EDA: variants seen among roughly 807,000 people sequenced by gnomAD.
EDA encodes ectodysplasin A, also known as ectodysplasin-A.
Under a neutral mutation model 23.6 loss-of-function variants are expected in EDA, and 2 were observed. The observed-to-expected ratio is 0.08, with a 90% CI of 0.03 to 0.27. The LOEUF (loss-of-function observed/expected upper bound fraction) is 0.27. Among genes scored for constraint, EDA ranks in the 10% least tolerant of loss-of-function variants. EDA has a pLI of 1.00. For synonymous variants in EDA, 131 were observed against 132.0 expected, an observed-to-expected ratio of 0.99 and a Z score of 0.05; for missense variants, 229 against 324.2, an observed-to-expected ratio of 0.71 and a Z score of 2.26.
At chrX:69,632,269 G>C (rs754731370) in intron 1 of EDA, among the ~76,000 whole-genome samples, 3 of 111,395 alleles carry the variant, frequency 2.7e-5, no homozygotes, top group South Asian at 3.8e-4. Flanking sequence ...TTCTCTTGTG[G>C]GGCTGGCTTG....
chrX:69,753,322 A>G (rs1284884033), intron 1 of EDA, among the ~76,000 whole-genome samples: 1 of 111,776 alleles, frequency 8.9e-6, no homozygotes, highest in African/African-American at 3.3e-5. Flanking sequence ...TTCTGTCTTC[A>G]TTTCGTTATG....
At chrX:70,026,362 T>C (rs1038976902) in intron 3 of EDA, among the ~76,000 whole-genome samples, 1 of 111,208 alleles carries the variant, frequency 9.0e-6, no homozygotes, top group Non-Finnish European at 1.9e-5. Context: ...GTGGGAATGT[T>C]GAAAGGACTG....
intron 1 of EDA, among the ~76,000 whole-genome samples, chrX:69,849,080 TATAC>T (rs1257179790): frequency 3.3e-3 from 278 of 84,719 alleles, no homozygotes; most frequent in African/African-American, 7.0e-3. Flanking sequence ...ACAAAGTCTA[TATAC>T]ACACACACAC....
intron 1 of EDA, among the ~76,000 whole-genome samples, chrX:69,896,712 C>A (rs1172468553): frequency 9.0e-6 from 1 of 110,739 alleles, no homozygotes; most frequent in Non-Finnish European, 1.9e-5. Context: ...GAAATCAGGT[C>A]TTCCAGCTCC....
At chrX:69,949,236 C>T (rs1369828263) in intron 1 of EDA, among the ~76,000 whole-genome samples, 3 of 112,150 alleles carry the variant, frequency 2.7e-5, no homozygotes, top group Non-Finnish European at 1.9e-5. Context: ...TTCATAAATA[C>T]ATTAACTCTG....
At chrX:69,729,361 A>G (rs149217324) in intron 1 of EDA, among the ~76,000 whole-genome samples, 2,707 of 110,546 alleles carry the variant, frequency 0.024, 71 homozygotes, top group African/African-American at 0.086. Flanking sequence ...TGCTCCATCA[A>G]TTATACCCTA....
At chrX:69,755,000 G>C (rs1416052970) in intron 1 of EDA, among the ~76,000 whole-genome samples, 1 of 111,697 alleles carries the variant, frequency 9.0e-6, no homozygotes, top group Admixed American at 9.5e-5. Context: ...GGGTTTGAAC[G>C]TCCTCCTTTA....
At chrX:69,787,065 T>C (rs958872563) in intron 1 of EDA, among the ~76,000 whole-genome samples, 1 of 103,817 alleles carries the variant, frequency 9.6e-6, no homozygotes, top group African/African-American at 3.4e-5. Flanking sequence ...TTGTCTCTTT[T>C]GATCTTTGTT....
chrX:69,626,288 G>A (rs940739453), intron 1 of EDA, among the ~76,000 whole-genome samples: 6 of 111,593 alleles, frequency 5.4e-5, no homozygotes, highest in African/African-American at 1.6e-4. Flanking sequence ...ATATGACCCA[G>A]CATTTCCACT....
At chrX:69,787,669 C>T (rs1322470447) in intron 1 of EDA, among the ~76,000 whole-genome samples, 3 of 111,618 alleles carry the variant, frequency 2.7e-5, no homozygotes, top group South Asian at 3.8e-4. Flanking sequence ...CCGTTGTTAG[C>T]CTGATGGGCT....
At chrX:69,979,138 A>G (rs2019365813) in intron 2 of EDA, among the ~76,000 whole-genome samples, 1 of 111,864 alleles carries the variant, frequency 8.9e-6, no homozygotes, top group South Asian at 3.7e-4. Context: ...GTTCCCTCAG[A>G]TAAGTGGAAT....
intron 1 of EDA, among the ~76,000 whole-genome samples, chrX:69,782,930 T>A (rs2014999060): frequency 8.9e-6 from 1 of 112,147 alleles, no homozygotes; most frequent in South Asian, 3.7e-4. Flanking sequence ...GATTACTACT[T>A]GTATAGAATA....
At chrX:69,912,647 T>A (rs1468208360) in intron 1 of EDA, among the ~76,000 whole-genome samples, 1 of 111,365 alleles carries the variant, frequency 9.0e-6, no homozygotes, top group East Asian at 2.8e-4. Flanking sequence ...GAGCAGTAGG[T>A]CTCAATACTG....
At chrX:69,902,606 T>C (rs763629488) in intron 1 of EDA, among the ~76,000 whole-genome samples, 1 of 112,167 alleles carries the variant, frequency 8.9e-6, no homozygotes, top group South Asian at 3.7e-4. Flanking sequence ...ATTAAAAAAA[T>C]TCTGTTTGAT....
At chrX:69,679,116 G>C (rs1185045969) in intron 1 of EDA, among the ~76,000 whole-genome samples, 1 of 108,876 alleles carries the variant, frequency 9.2e-6, no homozygotes, top group Non-Finnish European at 1.9e-5. Flanking sequence ...TTATATGCTG[G>C]ATTACGTTTA....
At chrX:69,860,153 A>T (rs983386650) in intron 1 of EDA, among the ~76,000 whole-genome samples, 4 of 111,528 alleles carry the variant, frequency 3.6e-5, no homozygotes, top group African/African-American at 1.3e-4. Flanking sequence ...TGAAGACAGC[A>T]TACCAATGGA....
At position 69,864,092 on chromosome X, in the gene EDA, G is replaced by A. The variant is rs1354678666; in HGVS notation, c.397-92935G>A. Among the ~76,000 whole-genome samples the A allele has an allele frequency of 5.4e-5, 6 of 110,996 alleles. No homozygotes were observed. The East Asian group carries it at 1.7e-3, about 31-fold the overall frequency. ...CAGTGTTGTTATTCTTTTTTAAAAT[G>A]TTTGTTTTATAGAAGTATAATTTAC... is the stretch of plus-strand genomic sequence containing the variant. On this transcript the variant is annotated intron_variant, in intron 1 of 7. Transcript: ENST00000374552.
intron 1 of EDA, among the ~76,000 whole-genome samples, chrX:69,838,743 ACTTTCTTTGG>A (rs1423016554): frequency 8.9e-6 from 1 of 112,590 alleles, no homozygotes; most frequent in Non-Finnish European, 1.9e-5. Context: ...ATAAACCACC[ACTTTCTTTGG>A]TTGATCCAAA....
chrX:69,620,970 A>G (rs745327826), intron 1 of EDA: 3 of 358,190 alleles, frequency 8.4e-6, no homozygotes, highest in Non-Finnish European at 1.6e-5. Context: ...TCCACTGGAA[A>G]TGTTTCACTG....
Sources: gnomAD v4.1 joint callset for allele counts (sites outside exome capture counted in the v4.1 genomes callset) on GRCh38, gnomAD v4.1.1 for gene constraint, MANE v1.5 for transcripts, NCBI Gene and HGNC (gene_info 2026-07-23, HGNC 2026-07-21) for gene names.